Variants in TBCK observed in about 807,000 individuals in gnomAD.
TBCK encodes the protein TBC domain-containing protein kinase-like protein.
TBCK carries 99 observed loss-of-function variants against 113.4 expected under a neutral mutation model. The ratio of observed to expected loss-of-function variants is 0.87; its 90% CI spans 0.74 to 1.03. The LOEUF is 1.03. Ranked by LOEUF, TBCK falls within the 50% of genes least tolerant of loss-of-function variation. The probability of loss-of-function intolerance (pLI) is 0.00; values close to 1 mark genes in which losing one functional copy is unlikely to be tolerated. For missense variants in TBCK, 1,045 were observed against 1,061.3 expected, an observed-to-expected ratio of 0.98 and a Z score of 0.21; for synonymous variants, 369 against 370.8, an observed-to-expected ratio of 1.00 and a Z score of 0.05.
In TBCK at chr4:106,091,445, C is replaced by G. The variant is rs142754780; in HGVS notation, c.2571+4037G>C. Among the ~76,000 whole-genome samples, 49 of 152,224 alleles carry G rather than the reference C, an allele frequency of 3.2e-4. 1 individual carries two copies. In the East Asian group the frequency reaches 8.3e-3, roughly 26 times the overall value. ...TGACTTCAAGAATGCAGCCACGGAC[C>G]CTTGTGGTGAGTGTTACAGTTCTTA... is the stretch of plus-strand genomic sequence containing the variant. On this transcript the variant is annotated intron_variant, in intron 25 of 25. Transcript: ENST00000394708.
chr4:106,091,050 TGTTA>T lies in TBCK; in HGVS notation c.2571+4428_2571+4431del, dbSNP rs555871311. 1.7e-3 allele frequency among the ~76,000 whole-genome samples: 265 copies of T among 152,256 alleles called. 1 individual carries two copies. Among genetic ancestry groups the T allele is most frequent in the Non-Finnish European group, 2.8e-3 (193 of 68,016 alleles). ...CCCCACTCCTGGTACCAATTATCTG[TGTTA>T]GTTTGTTCTTGTGTTGCTATAAAGA... On this transcript the variant is annotated intron_variant, in intron 25 of 25. Transcript: ENST00000394708.
rs769967490 is a variant in TBCK at position 106,230,491 on chromosome 4, G to T, written c.1691-45C>A. On this transcript the variant is annotated intron_variant, in intron 18 of 25. Transcript: ENST00000394708. The stretch of plus-strand genomic sequence containing the variant: ...AGGCATGTAAAAAATTAGTTAACAG[G>T]GTAGATGACCATCAGTAATGCATTC... 2.3e-4 allele frequency: 274 copies of T among 1,205,326 alleles called. 1 individual carries two copies. The highest frequency in any genetic ancestry group is 3.0e-4 in the Non-Finnish European group (250 of 837,478). The allele number at this position is 1,205,326 out of a possible 1,614,324, so 74.7% of individuals were successfully genotyped here. A position where few individuals can be genotyped will look rare whatever the true frequency, so the allele number is the denominator to read the frequency against.
intron 5 of TBCK, among the ~76,000 whole-genome samples, chr4:106,253,185 T>TA (rs914606293): frequency 4.6e-5 from 7 of 152,124 alleles, no homozygotes; most frequent in South Asian, 2.1e-4. Flanking sequence ...TTTGTATCCC[T>TA]AAAAAATGTA....
At chr4:106,191,805 CTAAA>C (rs1411864860) in intron 22 of TBCK, among the ~76,000 whole-genome samples, 2 of 152,150 alleles carry the variant, frequency 1.3e-5, no homozygotes, top group Non-Finnish European at 2.9e-5. Flanking sequence ...ACTACATCAA[CTAAA>C]TAGATTTCAT....
chr4:106,123,309 T>C (rs181321582), intron 23 of TBCK, among the ~76,000 whole-genome samples: 169 of 152,246 alleles, frequency 1.1e-3, no homozygotes, highest in Non-Finnish European at 2.0e-3. Flanking sequence ...GGAATCCAAC[T>C]TACAAGGCAT....
At chr4:106,133,970 A>G (rs1398022263) in intron 23 of TBCK, among the ~76,000 whole-genome samples, 1 of 152,152 alleles carries the variant, frequency 6.6e-6, no homozygotes, top group African/African-American at 2.4e-5. Flanking sequence ...AGATCATGCC[A>G]CTGCACTCCA....
intron 23 of TBCK, among the ~76,000 whole-genome samples, chr4:106,119,574 T>G (rs1334629757): frequency 6.6e-6 from 1 of 152,096 alleles, no homozygotes; most frequent in African/African-American, 2.4e-5. Context: ...GAGAAAACAT[T>G]GTGGAAATGC....
At chr4:106,066,036 G>A (rs1736604413) in intron 25 of TBCK, among the ~76,000 whole-genome samples, 1 of 151,926 alleles carries the variant, frequency 6.6e-6, no homozygotes, top group Non-Finnish European at 1.5e-5. Context: ...GCAATAAACC[G>A]CTAATCAATT....
chr4:106,148,828 A>G (rs910261675), intron 23 of TBCK, among the ~76,000 whole-genome samples: 2 of 152,148 alleles, frequency 1.3e-5, no homozygotes, highest in Admixed American at 1.3e-4. Flanking sequence ...GAGTCAGCCT[A>G]TCTTTTGAAG....
chr4:106,171,173 T>C lies in TBCK; in HGVS notation c.2157A>G (p.Pro719=), dbSNP rs1413334318. The change falls in exon 23 of 26, where the codon CCA becomes CCG. Residue 719 remains proline, a synonymous_variant. Transcript: ENST00000394708. ...TTCTGCCTCCACTGCTGTCAGAAGA[T>C]GGCTTTGGAGGTTGAGCATGCTGTC... The part of the protein sequence containing the change: ...TYRQHAQPPK[P]SSDSSGGRSS... The C allele has an allele frequency of 1.9e-6, 3 of 1,612,864 alleles. No individual in the cohort carries two copies. Among genetic ancestry groups the C allele is most frequent in the Admixed American group, 3.3e-5 (2 of 59,796 alleles).
intron 2 of TBCK, among the ~76,000 whole-genome samples, 190 bp from the exon 3 acceptor site, chr4:106,295,356 AT>A (rs1416482339): frequency 6.6e-6 from 1 of 151,988 alleles, no homozygotes; most frequent in Admixed American, 6.6e-5. Flanking sequence ...AACAATAACT[AT>A]TTTTTTCTCT....
chr4:106,242,635 A>G, intron 11 of TBCK, 66 bp from the exon 12 acceptor site: 1 of 1,127,392 alleles, frequency 8.9e-7, no homozygotes, highest in Non-Finnish European at 1.3e-6. Context: ...CTAGAAAGTA[A>G]AGTTTATTCT....
chr4:106,113,711 G>T (rs936916846), intron 24 of TBCK, among the ~76,000 whole-genome samples: 32 of 152,208 alleles, frequency 2.1e-4, no homozygotes, highest in Non-Finnish European at 3.5e-4. Flanking sequence ...AAGAAGAGAA[G>T]TCAGAAGACT....
At chr4:106,146,532 C>T (rs1236574679) in intron 23 of TBCK, among the ~76,000 whole-genome samples, 1 of 152,006 alleles carries the variant, frequency 6.6e-6, no homozygotes, top group Admixed American at 6.5e-5. Context: ...ATGTATAAAC[C>T]CCTGTGACAC....
chr4:106,233,732 T>C (rs1759140720), intron 15 of TBCK, 82 bp from the exon 16 acceptor site: 1 of 1,188,280 alleles, frequency 8.4e-7, no homozygotes, highest in South Asian at 1.5e-5. Context: ...TTTTTACAAA[T>C]ATCTATCTTT....
At chr4:106,088,431 T>C (rs1475680187) in intron 25 of TBCK, among the ~76,000 whole-genome samples, 1 of 152,148 alleles carries the variant, frequency 6.6e-6, no homozygotes, top group Non-Finnish European at 1.5e-5. Context: ...TGGTGATTAT[T>C]AAAAAGTCAG....
At chr4:106,111,819 A>G (rs1325016315) in intron 24 of TBCK, among the ~76,000 whole-genome samples, 2 of 152,208 alleles carry the variant, frequency 1.3e-5, no homozygotes, top group Non-Finnish European at 2.9e-5. Context: ...CTAGCAACTT[A>G]CATACCTTAA....
chr4:106,315,086 T>C (rs1768644879), intron 1 of TBCK, among the ~76,000 whole-genome samples: 2 of 151,910 alleles, frequency 1.3e-5, no homozygotes, highest in Non-Finnish European at 2.9e-5. Flanking sequence ...CACACAAAAA[T>C]ACACACACAT....
At position 106,093,074 on chromosome 4, in the gene TBCK, T is replaced by C. The variant is rs184063919; in HGVS notation, c.2571+2408A>G. Among the ~76,000 whole-genome samples the C allele has an allele frequency of 1.1e-4, 17 of 152,358 alleles. No homozygotes were observed. The East Asian group carries it at 3.1e-3, about 28-fold the overall frequency. On this transcript the variant is annotated intron_variant, in intron 25 of 25. Coordinates refer to ENST00000394708, the MANE Select transcript of TBCK (RefSeq NM_001163435.3). ...TTTCTCTGAAATAGGTGTATTGAGA[T>C]TGTTCTCTGTTGGATGGTAGATACA...
Sources: allele counts gnomAD v4.1 joint callset (sites outside exome capture counted in the v4.1 genomes callset), GRCh38; gene constraint gnomAD v4.1.1; transcripts MANE v1.5; gene names NCBI Gene and HGNC (gene_info 2026-07-23, HGNC 2026-07-21).